RARRES1: variants seen among roughly 807,000 people sequenced by gnomAD.
RARRES1 encodes retinoic acid receptor responder protein 1.
A neutral mutation model predicts 30.6 loss-of-function variants in RARRES1; 34 were observed. The ratio of observed to expected loss-of-function variants is 1.11; its 90% CI spans 0.84 to 1.48. RARRES1 has a LOEUF of 1.48. Among genes scored for constraint, RARRES1 ranks in the 40% most tolerant of loss-of-function variants. The pLI is 0.00. For missense variants in RARRES1, 373 were observed against 386.5 expected (o/e 0.97, Z 0.29); for synonymous variants, 153 against 155.5 (o/e 0.98, Z 0.12).
At position 158,732,370 on chromosome 3, in the gene RARRES1, T is replaced by G; in HGVS notation, c.46A>C (p.Arg16=). Residue 16 remains arginine (R), a synonymous_variant, in exon 1 of 6, where the codon AGG becomes CGG. Coordinates refer to ENST00000237696, the MANE Select transcript of RARRES1 (RefSeq NM_206963.2). ...QRLPAPWSGP[R]GPRPTAPLLA... ...AGCGGGGCGGTGGGGCGCGGGCCCCTGGGCCCGGACCAGGGAGCAGGCAGC... is the reference window on the plus strand; with the variant it reads ...AGCGGGGCGGTGGGGCGCGGGCCCCGGGGCCCGGACCAGGGAGCAGGCAGC... 6.7e-7 allele frequency: 1 copy of G among 1,484,102 alleles called. No homozygotes were observed. Among genetic ancestry groups the G allele is most frequent in the Non-Finnish European group, 8.9e-7 (1 of 1,123,344 alleles). The allele number at this position is 1,484,102 out of a possible 1,614,324, so 91.9% of individuals were successfully genotyped here.
At chr3:158,725,120 G>A (rs530576590) in intron 1 of RARRES1, among the ~76,000 whole-genome samples, 6 of 152,200 alleles carry the variant, frequency 3.9e-5, no homozygotes, top group East Asian at 1.9e-4. Flanking sequence ...CAACATGCCC[G>A]GCGAAGATTT....
intron 2 of RARRES1, among the ~76,000 whole-genome samples, chr3:158,712,568 CA>C (rs1489599189): frequency 6.6e-6 from 1 of 151,982 alleles, no homozygotes; most frequent in African/African-American, 2.4e-5. Flanking sequence ...ATTGGTGCAA[CA>C]TAGAAAAAAG....
chr3:158,712,120 G>A (rs1228345432), intron 2 of RARRES1, among the ~76,000 whole-genome samples: 1 of 152,184 alleles, frequency 6.6e-6, no homozygotes, highest in Non-Finnish European at 1.5e-5. Context: ...AGAATTTGAG[G>A]AAGTTCATGG....
rs1164826079 is a variant in RARRES1, at chr3:158,723,323, G to A, written c.276+8817C>T. On this transcript the variant is annotated intron_variant, in intron 1 of 5. Transcript: ENST00000237696. The surrounding 1 kb of genome is among the most constrained non-coding windows in gnomAD (Gnocchi z 4.4). Reference sequence around the variant, plus strand: ...GGCTATTCCAGTAAAAGCAAACTTCGTCATTTTATAAGGTTACTTTTATGA... The same window carrying A: ...GGCTATTCCAGTAAAAGCAAACTTCATCATTTTATAAGGTTACTTTTATGA... Among the ~76,000 whole-genome samples, 1 of 152,152 alleles carries A rather than the reference G, an allele frequency of 6.6e-6. No individual in the cohort carries two copies. The highest frequency in any genetic ancestry group is 1.5e-5 in the Non-Finnish European group (1 of 68,040).
In RARRES1 at chr3:158,723,014, A is replaced by C. The variant is rs1238773225; in HGVS notation, c.276+9126T>G. Among the ~76,000 whole-genome samples the C allele has an allele frequency of 6.6e-6, 1 of 152,218 alleles. No homozygotes were observed. The highest frequency in any genetic ancestry group is 1.5e-5 in the Non-Finnish European group (1 of 68,028). ...TGCACCACCCCATGGAGGAGTCTCC[A>C]AAGACATGATTCTGCCCAAAGCTTC... On this transcript the variant is annotated intron_variant, in intron 1 of 5. Coordinates refer to ENST00000237696, the MANE Select transcript of RARRES1 (RefSeq NM_206963.2). This position sits in a 1 kb window ranked among gnomAD's most constrained non-coding sequence, Gnocchi z 4.4.
chr3:158,698,172 G>A (rs1726610472), intron 4 of RARRES1: 2 of 537,106 alleles, frequency 3.7e-6, no homozygotes, highest in South Asian at 2.3e-5. Context: ...TTATATGAAA[G>A]TCTGGTTGAA....
Position 158,697,688 on chromosome 3 carries a change from C to T in RARRES1, c.875G>A (p.Ser292Asn). 1 of 1,610,198 alleles carries T rather than the reference C, an allele frequency of 6.2e-7. No individual in the cohort carries two copies. Among genetic ancestry groups the T allele is most frequent in the Non-Finnish European group, 8.5e-7 (1 of 1,178,242 alleles). The change falls in exon 6 of 6, where the codon AGT becomes AAT. Residue 292 changes from serine (S) to asparagine (N), a missense_variant. Ser to Asn is a conservative substitution (Grantham distance 46). Coordinates refer to ENST00000237696, the MANE Select transcript of RARRES1 (RefSeq NM_206963.2). ...EGSAVVPTEL[S>N]NF is the part of the protein sequence containing the mutation. ...GATCATTTTTTCTTTTTAGAAATTACTAAGCTCTGTTGGTACTACAGCTGA... is the reference window on the plus strand; with the variant it reads ...GATCATTTTTTCTTTTTAGAAATTATTAAGCTCTGTTGGTACTACAGCTGA...
In RARRES1 at chr3:158,721,449, G is replaced by T. The variant is rs772008708; in HGVS notation, c.277-7590C>A. 8.5e-5 allele frequency among the ~76,000 whole-genome samples: 13 copies of T among 152,150 alleles called. 1 individual carries two copies. The highest frequency in any genetic ancestry group is 8.5e-4 in the Admixed American group (13 of 15,278). ...GTTCCACATGATGCTGATCCTGTTG[G>T]TCCAGGGACCACACTTGGAGAACTC... On this transcript the variant is annotated intron_variant, in intron 1 of 5. Transcript: ENST00000237696.
chr3:158,725,119 C>T (rs772332539), intron 1 of RARRES1, among the ~76,000 whole-genome samples: 2 of 152,126 alleles, frequency 1.3e-5, no homozygotes, highest in Non-Finnish European at 2.9e-5. Flanking sequence ...CCAACATGCC[C>T]GGCGAAGATT....
At chr3:158,729,611 G>A (rs1178077072) in intron 1 of RARRES1, among the ~76,000 whole-genome samples, 2 of 151,832 alleles carry the variant, frequency 1.3e-5, no homozygotes, top group African/African-American at 2.4e-5. Flanking sequence ...CACCATGCCC[G>A]GCTAATTTCT....
At chr3:158,708,154 C>A (rs957411245) in intron 3 of RARRES1, among the ~76,000 whole-genome samples, 5 of 152,168 alleles carry the variant, frequency 3.3e-5, no homozygotes, top group Admixed American at 2.0e-4. Context: ...TAATACAAGA[C>A]TCTGAATTCA....
At position 158,732,176 on chromosome 3, in the gene RARRES1, T is replaced by C. The variant is rs6441223; in HGVS notation, c.240A>G (p.Leu80=). The C allele has an allele frequency of 0.46, 652,877 of 1,411,076 alleles. 154,889 individuals carry two copies. Among genetic ancestry groups the C allele is most frequent in the African/African-American group, 0.6 (39,671 of 66,610 alleles). The allele number at this position is 1,411,076 out of a possible 1,614,324, so 87.4% of individuals were successfully genotyped here. The change falls in exon 1 of 6, where the codon CTA becomes CTG. Residue 80 remains leucine, a synonymous_variant. Transcript: ENST00000237696. ...FNFRSGSPSA[L]RVLAEVQEGR... ...CCTCCTGCACCTCGGCCAGCACTCG[T>C]AGCGCGCTGGGCGAGCCGGACCGGA...
chr3:158,703,418 A>G (rs1726801730), intron 4 of RARRES1, among the ~76,000 whole-genome samples: 1 of 151,830 alleles, frequency 6.6e-6, no homozygotes, highest in South Asian at 2.1e-4. Context: ...ATGTCTCCCA[A>G]CCAAAAAAAA....
intron 2 of RARRES1, among the ~76,000 whole-genome samples, chr3:158,712,383 C>T (rs979014502): frequency 3.9e-5 from 6 of 152,046 alleles, no homozygotes; most frequent in African/African-American, 1.4e-4. Flanking sequence ...AAGACCCTGC[C>T]TCAAAAAGAA....
At chr3:158,720,627 G>A (rs1727485533) in intron 1 of RARRES1, among the ~76,000 whole-genome samples, 2 of 151,984 alleles carry the variant, frequency 1.3e-5, no homozygotes, top group South Asian at 4.2e-4. Flanking sequence ...TCCAATCTGT[G>A]CCTCTATTAT....
chr3:158,698,640 T>C (rs1477255387), intron 4 of RARRES1, among the ~76,000 whole-genome samples: 1 of 151,628 alleles, frequency 6.6e-6, no homozygotes, highest in Admixed American at 6.6e-5. Flanking sequence ...ATTTTACTAG[T>C]GACTAAACCA....
intron 3 of RARRES1, among the ~76,000 whole-genome samples, chr3:158,710,206 GTTTTT>G (rs34073811): frequency 2.2e-5 from 3 of 134,422 alleles, no homozygotes; most frequent in Non-Finnish European, 3.2e-5. Flanking sequence ...AAAATGAGGA[GTTTTT>G]TTTTTTTTTT....
In RARRES1 at chr3:158,713,147, A is replaced by G. The variant is rs1474874137; in HGVS notation, c.339+650T>C. Among the ~76,000 whole-genome samples, 4 of 152,100 alleles carry G rather than the reference A, an allele frequency of 2.6e-5. No homozygotes were observed. In the East Asian group the frequency reaches 7.8e-4, roughly 30 times the overall value. On this transcript the variant is annotated intron_variant, in intron 2 of 5. Coordinates refer to ENST00000237696, the MANE Select transcript of RARRES1 (RefSeq NM_206963.2). Reference sequence around the variant, plus strand: ...CCAGGCTGCTTCTCAGCACAAGACAAAGAGCATTTGAGCTGGTCTCCTCTC... The same window carrying G: ...CCAGGCTGCTTCTCAGCACAAGACAGAGAGCATTTGAGCTGGTCTCCTCTC...
At chr3:158,731,914 A>G (rs1727901135) in intron 1 of RARRES1, among the ~76,000 whole-genome samples, 1 of 152,250 alleles carries the variant, frequency 6.6e-6, no homozygotes, top group South Asian at 2.1e-4. Flanking sequence ...TGCTGGAAGG[A>G]ACGAGCCAGA....
Sources: allele counts gnomAD v4.1 joint callset (sites outside exome capture counted in the v4.1 genomes callset), GRCh38; gene constraint gnomAD v4.1.1; non-coding constraint Gnocchi (gnomAD v3.1); transcripts MANE v1.5; gene names NCBI Gene and HGNC (gene_info 2026-07-23, HGNC 2026-07-21).